Variants in GFRAL observed in about 807,000 individuals in gnomAD.
The protein encoded by GFRAL is GDNF family receptor alpha like.
In GFRAL, 36 loss-of-function variants were observed where a neutral mutation model predicts 45.4. The observed-to-expected ratio is 0.79, with a 90% confidence interval of 0.61 to 1.05. The LOEUF is 1.05. Among genes scored for constraint, GFRAL ranks in the 50% least tolerant of loss-of-function variants. GFRAL has a pLI of 0.00. For synonymous variants in GFRAL, 166 were observed against 154.1 expected, an observed-to-expected ratio of 1.08 and a Z score of -0.57; for missense variants, 507 against 467.5, an observed-to-expected ratio of 1.08 and a Z score of -0.78.
At position 55,333,822 on chromosome 6, in the gene GFRAL, A is replaced by T; in HGVS notation, c.194A>T (p.Tyr65Phe). Reference sequence around the variant, plus strand: ...CCCTGCAAGATGAGGAATTCATCATACTGTAACCTGAGTATCCAGTACTTA... The same window carrying T: ...CCCTGCAAGATGAGGAATTCATCATTCTGTAACCTGAGTATCCAGTACTTA... ...GDPCKMRNSSYCNLSIQYLVE... is the reference protein window; with the variant it reads ...GDPCKMRNSSFCNLSIQYLVE... The change falls in exon 3 of 9, where the codon TAC becomes TTC. Residue 65 changes from tyrosine (Y) to phenylalanine (F), a missense_variant. By Grantham distance (22) the Tyr-to-Phe change is conservative (BLOSUM62 3). Coordinates refer to ENST00000340465, the MANE Select transcript of GFRAL (RefSeq NM_207410.2). 1.2e-6 allele frequency: 2 copies of T among 1,608,088 alleles called. No homozygotes were observed. The highest frequency in any genetic ancestry group is 1.7e-5 in the Admixed American group (1 of 59,126).
chr6:55,393,715 A>C (rs1475350185), intron 6 of GFRAL, among the ~76,000 whole-genome samples: 3 of 152,184 alleles, frequency 2.0e-5, no homozygotes. Context: ...AAATGGGCAA[A>C]GACGAGATTT....
chr6:55,352,749 T>C (rs1768134111), intron 5 of GFRAL, among the ~76,000 whole-genome samples: 2 of 152,160 alleles, frequency 1.3e-5, no homozygotes, highest in African/African-American at 4.8e-5. Context: ...CTAGCACACA[T>C]GTATGCTATG....
chr6:55,361,560 T>C (rs1768275947), intron 6 of GFRAL, among the ~76,000 whole-genome samples: 1 of 152,010 alleles, frequency 6.6e-6, no homozygotes, highest in Admixed American at 6.6e-5. Context: ...GATCCAAAGT[T>C]GGTTGAGTCG....
chr6:55,353,699 C>T (rs763719691), intron 5 of GFRAL, among the ~76,000 whole-genome samples: 2 of 152,036 alleles, frequency 1.3e-5, no homozygotes, highest in African/African-American at 2.4e-5. Flanking sequence ...TCTTTTTACA[C>T]ATTTTAACAT....
chr6:55,353,878 CTA>C (rs1328429894), intron 5 of GFRAL, among the ~76,000 whole-genome samples: 1 of 144,762 alleles, frequency 6.9e-6, no homozygotes, highest in African/African-American at 2.9e-5. Flanking sequence ...TGTGATTACA[CTA>C]CTTTTCTCAC....
At chr6:55,395,173 A>ATATATATATATATATATATATATAT in intron 6 of GFRAL, among the ~76,000 whole-genome samples, 1 of 103,562 alleles carries the variant, frequency 9.7e-6, no homozygotes, top group Admixed American at 8.7e-5. Flanking sequence ...AAAAAAAAAA[A>ATATATATATATATATATATATATAT]AAATATATAT....
intron 6 of GFRAL, among the ~76,000 whole-genome samples, chr6:55,367,701 A>C (rs1366579991): frequency 6.7e-6 from 1 of 149,170 alleles, no homozygotes; most frequent in Admixed American, 6.7e-5. Context: ...TCACTTATGA[A>C]GCTTAGTTTG....
intron 6 of GFRAL, among the ~76,000 whole-genome samples, chr6:55,361,136 T>C (rs1768270308): frequency 6.6e-6 from 1 of 152,038 alleles, no homozygotes; most frequent in African/African-American, 2.4e-5. Context: ...TTCAAAATGA[T>C]TTCACTTTTC....
chr6:55,402,124 C>T lies in GFRAL; in HGVS notation c.*271C>T. On this transcript the variant is annotated 3_prime_UTR_variant, in exon 9 of 9. Transcript: ENST00000340465. ...TCCCGAGTAGCTGGGATTACAGGTA[C>T]CCGCCACCACGCCCAGCTAATTTTT... is the stretch of plus-strand genomic sequence containing the variant. 3.6e-6 allele frequency: 1 copy of T among 278,618 alleles called. No individual in the cohort carries two copies. 17.3% of individuals were successfully genotyped at this position (278,618 alleles called of 1,614,324 possible).
At chr6:55,357,949 T>C (rs150877214) in intron 5 of GFRAL, among the ~76,000 whole-genome samples, 4 of 151,992 alleles carry the variant, frequency 2.6e-5, no homozygotes, top group East Asian at 3.9e-4. Context: ...CTTAACAGCA[T>C]TGAAGGAATA....
At chr6:55,338,061 G>C (rs576683078) in intron 3 of GFRAL, among the ~76,000 whole-genome samples, 10 of 151,780 alleles carry the variant, frequency 6.6e-5, no homozygotes, top group African/African-American at 2.4e-4. Context: ...CCTTTTCTTT[G>C]TGACTTCCAC....
At position 55,402,213 on chromosome 6, in the gene GFRAL, C is replaced by G. The variant is rs779931814; in HGVS notation, c.*360C>G. 6.0e-6 allele frequency: 1 copy of G among 166,066 alleles called. No homozygotes were observed. Among genetic ancestry groups the G allele is most frequent in the Non-Finnish European group, 1.3e-5 (1 of 78,708 alleles). 10.3% of individuals were successfully genotyped at this position (166,066 alleles called of 1,614,324 possible). On this transcript the variant is annotated 3_prime_UTR_variant, in exon 9 of 9. Transcript: ENST00000340465. The stretch of plus-strand genomic sequence containing the variant: ...CAGGGTGGTCTCAAACTCCTGACCT[C>G]AGGTGATCCACCCACCTCGGCCTCC...
chr6:55,363,531 A>C (rs1233992139), intron 6 of GFRAL, among the ~76,000 whole-genome samples: 2 of 150,320 alleles, frequency 1.3e-5, no homozygotes, highest in East Asian at 2.0e-4. Flanking sequence ...TGGTGCGCTG[A>C]ACCCACTAAA....
chr6:55,368,240 C>T (rs1266553707), intron 6 of GFRAL, among the ~76,000 whole-genome samples: 2 of 151,960 alleles, frequency 1.3e-5, no homozygotes, highest in African/African-American at 4.8e-5. Context: ...GCATCAGCTC[C>T]TGAGGCTTCT....
At chr6:55,359,574 TG>T (rs1278604053) in intron 6 of GFRAL, among the ~76,000 whole-genome samples, 2 of 151,962 alleles carry the variant, frequency 1.3e-5, no homozygotes, top group South Asian at 2.1e-4. Context: ...GATGGTCTTT[TG>T]GGGGGTCACT....
chr6:55,371,563 T>G (rs775608128), intron 6 of GFRAL, among the ~76,000 whole-genome samples: 1 of 152,222 alleles, frequency 6.6e-6, no homozygotes, highest in Non-Finnish European at 1.5e-5. Flanking sequence ...TACCATTAAG[T>G]CTGACATTTG....
rs931622163 is a variant in GFRAL, at chr6:55,351,364, C to T, written c.482C>T (p.Pro161Leu). The T allele has an allele frequency of 1.9e-6, 3 of 1,613,412 alleles. No homozygotes were observed. The highest frequency in any genetic ancestry group is 2.2e-5 in the East Asian group (1 of 44,858). The change falls in exon 5 of 9, where the codon CCG (proline) becomes CTG (leucine). Residue 161 changes from proline (P) to leucine (L), a missense_variant. Transcript: ENST00000340465. ...AAAGCTTGCTCAGCAAATGGAAATC[C>T]GTGTGATCTGAAACAGTGCCAAGCA... ...YLKACSANGN[P>L]CDLKQCQAAI... is the part of the protein sequence containing the mutation.
In GFRAL at chr6:55,387,933, G is replaced by C. The variant is rs1262968550; in HGVS notation, c.953-11247G>C. On this transcript the variant is annotated intron_variant, in intron 6 of 8. Transcript: ENST00000340465. The stretch of plus-strand genomic sequence containing the variant: ...TTAGGGTATGTTGTACAAATCATTA[G>C]TAAACAAATTAGTTCTCAAACTAGA... 2.0e-5 allele frequency among the ~76,000 whole-genome samples: 3 copies of C among 152,266 alleles called. No homozygotes were observed. The East Asian group carries it at 5.8e-4, about 29-fold the overall frequency.
intron 6 of GFRAL, among the ~76,000 whole-genome samples, chr6:55,372,385 A>G (rs1768462625): frequency 6.6e-6 from 1 of 152,148 alleles, no homozygotes; most frequent in Non-Finnish European, 1.5e-5. Context: ...CTGTCCTCCT[A>G]CTTGATATAT....
Sources: gnomAD v4.1 joint callset for allele counts (sites outside exome capture counted in the v4.1 genomes callset) on GRCh38, gnomAD v4.1.1 for gene constraint, MANE v1.5 for transcripts, NCBI Gene and HGNC (gene_info 2026-07-23, HGNC 2026-07-21) for gene names.